CADPS: variants seen among roughly 807,000 people sequenced by gnomAD.
CADPS encodes the protein calcium dependent secretion activator.
CADPS carries 57 observed loss-of-function variants against 167.3 expected under a neutral mutation model. The observed-to-expected ratio is 0.34, with a 90% confidence interval of 0.28 to 0.42. The LOEUF is 0.42. Among genes scored for constraint, CADPS ranks in the 20% least tolerant of loss-of-function variants. CADPS has a pLI of 1.00. For synonymous variants in CADPS, 676 were observed against 635.3 expected (o/e 1.06, Z -0.96); for missense variants, 1,414 against 1,738.1 (o/e 0.81, Z 3.32).
rs1333975180 is a variant in CADPS at position 62,602,239 on chromosome 3, T to C, written c.1326-9491A>G. The stretch of plus-strand genomic sequence containing the variant: ...TAGGCAAATAAGGACCCTTGGAGAA[T>C]TGGATTTTGTGCAGGTTGGTGCTGG... On this transcript the variant is annotated intron_variant, in intron 6 of 29. Transcript: ENST00000383710. The surrounding 1 kb of genome is among the most constrained non-coding windows in gnomAD (Gnocchi z 4.4). Among the ~76,000 whole-genome samples the C allele has an allele frequency of 7.7e-6, 1 of 129,936 alleles. No homozygotes were observed. Among genetic ancestry groups the C allele is most frequent in the South Asian group, 2.9e-4 (1 of 3,456 alleles). The allele number at this position is 129,936 out of a possible 152,430, so 85.2% of individuals were successfully genotyped here. A position where few individuals can be genotyped will look rare whatever the true frequency, so the allele number is the denominator to read the frequency against.
intron 1 of CADPS, among the ~76,000 whole-genome samples, chr3:62,810,114 G>A (rs1053798364): frequency 2.0e-5 from 3 of 152,028 alleles, no homozygotes; most frequent in Non-Finnish European, 4.4e-5. Flanking sequence ...CTACCATTAC[G>A]GGCCCCTAAT....
chr3:62,484,261 C>T (rs1181864159), intron 21 of CADPS, among the ~76,000 whole-genome samples: 1 of 151,722 alleles, frequency 6.6e-6, no homozygotes, highest in Non-Finnish European at 1.5e-5. Context: ...ACTAGTGTTA[C>T]TAATATTTCA....
intron 6 of CADPS, among the ~76,000 whole-genome samples, chr3:62,613,828 G>C (rs2061853282): frequency 1.3e-5 from 2 of 152,168 alleles, no homozygotes; most frequent in Non-Finnish European, 2.9e-5. Flanking sequence ...GGCTTGGTTA[G>C]AAGAAAGGAG....
rs372565717 is a variant in CADPS, at chr3:62,430,709, C to CAT, written c.3777+7393_3777+7394dup. Among the ~76,000 whole-genome samples the CAT allele has an allele frequency of 3.6e-4, 54 of 151,582 alleles. No homozygotes were observed. In the South Asian group the frequency reaches 4.0e-3, roughly 11 times the overall value. On this transcript the variant is annotated intron_variant, in intron 28 of 29. Coordinates refer to ENST00000383710, the MANE Select transcript of CADPS (RefSeq NM_003716.4). The stretch of plus-strand genomic sequence containing the variant: ...ACACCCTATTTTAAAATATATATAT[C>CAT]ATATATATATAGATACCCGTTACGT...
At chr3:62,863,239 G>A (rs945011428) in intron 1 of CADPS, among the ~76,000 whole-genome samples, 3 of 152,160 alleles carry the variant, frequency 2.0e-5, no homozygotes, top group Middle Eastern at 3.2e-3. Flanking sequence ...TGTGAAGGCT[G>A]GAGTCAGACT....
At chr3:62,469,453 G>A (rs1408364814) in intron 24 of CADPS, among the ~76,000 whole-genome samples, 2 of 151,884 alleles carry the variant, frequency 1.3e-5, no homozygotes, top group South Asian at 2.1e-4. Context: ...CAGTCTGATC[G>A]ACTATCCAGA....
chr3:62,507,587 T>C (rs2066926106), intron 17 of CADPS, among the ~76,000 whole-genome samples: 2 of 152,182 alleles, frequency 1.3e-5, no homozygotes, highest in Admixed American at 1.3e-4. Context: ...ATACCTCTTA[T>C]ATTCCCTTGG....
intron 1 of CADPS, among the ~76,000 whole-genome samples, chr3:62,834,101 T>C (rs1486749259): frequency 6.6e-6 from 1 of 152,174 alleles, no homozygotes; most frequent in Admixed American, 6.5e-5. Context: ...TGCGTATCAG[T>C]AAAAGTCATG....
At chr3:62,823,734 T>C (rs1214493893) in intron 1 of CADPS, among the ~76,000 whole-genome samples, 1 of 152,228 alleles carries the variant, frequency 6.6e-6, no homozygotes, top group East Asian at 1.9e-4. Flanking sequence ...TCCGGTGCAC[T>C]GAATGAGGTA....
intron 1 of CADPS, among the ~76,000 whole-genome samples, chr3:62,816,435 C>A (rs958663959): frequency 4.6e-5 from 7 of 151,978 alleles, no homozygotes; most frequent in African/African-American, 1.7e-4. Flanking sequence ...AAAACAACTT[C>A]ATTTGCAAAT....
chr3:62,855,955 C>T (rs539860790), intron 1 of CADPS, among the ~76,000 whole-genome samples: 414 of 152,262 alleles, frequency 2.7e-3, no homozygotes, highest in Admixed American at 4.9e-3. Context: ...AGAATTGAAT[C>T]TTCCCAAAGT....
At chr3:62,765,785 A>G in intron 2 of CADPS, 86 bp downstream of exon 2, 1 of 756,570 alleles carries the variant, frequency 1.3e-6, no homozygotes. Flanking sequence ...GTAAACCAAA[A>G]CGACTGTCCC....
At chr3:62,634,587 G>A (rs989183215) in intron 6 of CADPS, among the ~76,000 whole-genome samples, 2 of 152,166 alleles carry the variant, frequency 1.3e-5, no homozygotes, top group African/African-American at 4.8e-5. Context: ...GATTATCTAT[G>A]TGTTTCCAAG....
At chr3:62,575,484 G>C (rs900847254) in intron 8 of CADPS, among the ~76,000 whole-genome samples, 1 of 152,220 alleles carries the variant, frequency 6.6e-6, no homozygotes, top group African/African-American at 2.4e-5. Flanking sequence ...CAAGGGTTGT[G>C]AGGATTAAAG....
intron 1 of CADPS, among the ~76,000 whole-genome samples, chr3:62,857,908 A>G (rs549768101): frequency 7.2e-5 from 11 of 152,250 alleles, no homozygotes; most frequent in East Asian, 3.9e-4. Flanking sequence ...TACATCTACA[A>G]TGAAGTTTTT....
chr3:62,806,925 C>G (rs904582692), intron 1 of CADPS, among the ~76,000 whole-genome samples: 2 of 152,154 alleles, frequency 1.3e-5, no homozygotes, highest in Non-Finnish European at 2.9e-5. Flanking sequence ...TATTTCCTCT[C>G]TAACATTTAT....
At chr3:62,639,145 A>G (rs192374404) in intron 6 of CADPS, among the ~76,000 whole-genome samples, 46 of 152,276 alleles carry the variant, frequency 3.0e-4, no homozygotes, top group Non-Finnish European at 1.8e-4. Flanking sequence ...TGAGCATCCC[A>G]AAGTGTGATT....
In CADPS at chr3:62,536,523, G is replaced by A. The variant is rs763453426; in HGVS notation, c.2025C>T (p.Asn675=). 5.0e-6 allele frequency: 8 copies of A among 1,613,300 alleles called. No homozygotes were observed. In the Admixed American group the frequency reaches 6.7e-5, roughly 13 times the overall value. Residue 675 remains asparagine (N), a synonymous_variant, in exon 12 of 30, where the codon AAC becomes AAT. Coordinates refer to ENST00000383710, the MANE Select transcript of CADPS (RefSeq NM_003716.4). ...MDEFISSNPC[N]FDHASLFEMV... ...TCTCAAAGAGGGAAGCGTGGTCAAA[G>A]TTACAGGGGTTGGAAGAGATAAATT...
chr3:62,538,552 T>G (rs1415501443), intron 11 of CADPS, among the ~76,000 whole-genome samples: 2 of 152,086 alleles, frequency 1.3e-5, no homozygotes, highest in Non-Finnish European at 2.9e-5. Flanking sequence ...GCCTCCCAAT[T>G]TTAACAGATA....
Sources: allele counts gnomAD v4.1 joint callset (sites outside exome capture counted in the v4.1 genomes callset), GRCh38; gene constraint gnomAD v4.1.1; non-coding constraint Gnocchi (gnomAD v3.1); transcripts MANE v1.5; gene names NCBI Gene and HGNC (gene_info 2026-07-23, HGNC 2026-07-21).